The following PRKN variants were observed in gnomAD, a reference collection of about 807,000 sequenced individuals.
The protein encoded by PRKN is parkin RBR E3 ubiquitin protein ligase, also known as E3 ubiquitin-protein ligase parkin.
Under a neutral mutation model 59.5 loss-of-function variants are expected in PRKN, and 56 were observed. The observed-to-expected ratio is 0.94, with a 90% CI of 0.76 to 1.18. The LOEUF (loss-of-function observed/expected upper bound fraction) is 1.18, where lower values mean the gene tolerates loss of function less well. Ranked by LOEUF, PRKN falls within the 50% of genes most tolerant of loss-of-function variation. The pLI is 0.00. For missense variants in PRKN, 657 were observed against 596.4 expected (o/e 1.10, Z -1.06); for synonymous variants, 250 against 222.1 (o/e 1.13, Z -1.12).
rs1009988643 is a variant in PRKN, at chr6:162,453,663, G to T, written c.8-10190C>A. Among the ~76,000 whole-genome samples, 10 of 152,150 alleles carry T rather than the reference G, an allele frequency of 6.6e-5. 1 individual carries two copies. The highest frequency in any genetic ancestry group is 2.4e-4 in the African/African-American group (10 of 41,434). On this transcript the variant is annotated intron_variant, in intron 1 of 11. Transcript: ENST00000366898. Reference sequence around the variant, plus strand: ...CACACCTGTAATCCCAGAAGTTTGGGAGGCTGAAGTGGGCAGATCACCTGA... The same window carrying T: ...CACACCTGTAATCCCAGAAGTTTGGTAGGCTGAAGTGGGCAGATCACCTGA...
At chr6:162,318,098 T>C (rs1416542127) in intron 2 of PRKN, among the ~76,000 whole-genome samples, 1 of 152,012 alleles carries the variant, frequency 6.6e-6, no homozygotes, top group Non-Finnish European at 1.5e-5. Flanking sequence ...CAGGCCCTGG[T>C]AACTGCTATT....
At chr6:162,673,027 T>G (rs190458456) in intron 1 of PRKN, among the ~76,000 whole-genome samples, 1 of 152,226 alleles carries the variant, frequency 6.6e-6, no homozygotes, top group Non-Finnish European at 1.5e-5. Flanking sequence ...ACAAGTTTAA[T>G]AGCCAAGAGC....
chr6:162,382,118 G>A (rs1786523657), intron 2 of PRKN, among the ~76,000 whole-genome samples: 1 of 152,030 alleles, frequency 6.6e-6, no homozygotes, highest in South Asian at 2.1e-4. Context: ...CCTATAATCG[G>A]TAGTATTCTC....
chr6:162,625,714 A>G (rs562644897), intron 1 of PRKN, among the ~76,000 whole-genome samples: 32 of 151,396 alleles, frequency 2.1e-4, no homozygotes, highest in Middle Eastern at 6.8e-3. Context: ...GTGTGTGTGT[A>G]TATATATATA....
chr6:161,757,833 A>ATCTCTC (rs748787015), intron 7 of PRKN, among the ~76,000 whole-genome samples: 814 of 37,616 alleles, frequency 0.022, 33 homozygotes, highest in African/African-American at 0.064. Flanking sequence ...GCAAAACTCC[A>ATCTCTC]TCTCTCTCTC....
chr6:162,201,101 C>T (rs1293352938), intron 4 of PRKN, 30 bp downstream of exon 4: 1 of 1,612,736 alleles, frequency 6.2e-7, no homozygotes, highest in East Asian at 2.2e-5. Context: ...ATTTTCCTGG[C>T]AGTCTCATGC....
intron 2 of PRKN, among the ~76,000 whole-genome samples, chr6:162,302,119 A>C (rs914637526): frequency 1.3e-5 from 2 of 152,106 alleles, no homozygotes; most frequent in Non-Finnish European, 2.9e-5. Flanking sequence ...TCTTACTGAT[A>C]ACTCTGTTCA....
chr6:162,170,305 G>T (rs763870094), intron 4 of PRKN, among the ~76,000 whole-genome samples: 1 of 152,156 alleles, frequency 6.6e-6, no homozygotes, highest in Non-Finnish European at 1.5e-5. Context: ...GTACAAATGG[G>T]ATTGCTCCGG....
At chr6:162,601,147 A>T (rs907277079) in intron 1 of PRKN, among the ~76,000 whole-genome samples, 5 of 152,086 alleles carry the variant, frequency 3.3e-5, no homozygotes, top group Non-Finnish European at 5.9e-5. Flanking sequence ...AAGGGCACAC[A>T]TGTCAAGAGG....
At chr6:162,726,149 A>C (rs969787917) in intron 1 of PRKN, among the ~76,000 whole-genome samples, 1 of 152,242 alleles carries the variant, frequency 6.6e-6, no homozygotes, top group Admixed American at 6.5e-5. Context: ...GTCATAACTT[A>C]TAACTGAGTA....
rs183270918 is a variant in PRKN at position 161,762,639 on chromosome 6, C to T, written c.871+23133G>A. On this transcript the variant is annotated intron_variant, in intron 7 of 11. Transcript: ENST00000366898. ...ATATAAATTTAGATTTAAATAACTACAAAAACCGGTGGCCACATGTGAAGT... is the reference window on the plus strand; with the variant it reads ...ATATAAATTTAGATTTAAATAACTATAAAAACCGGTGGCCACATGTGAAGT... 2.8e-3 allele frequency among the ~76,000 whole-genome samples: 421 copies of T among 152,200 alleles called. 2 individuals carry two copies. The highest frequency in any genetic ancestry group is 9.7e-3 in the African/African-American group (404 of 41,532).
intron 7 of PRKN, among the ~76,000 whole-genome samples, chr6:161,628,084 A>G (rs1783158412): frequency 1.3e-5 from 2 of 152,318 alleles, no homozygotes; most frequent in South Asian, 2.1e-4. Context: ...GGAAGTATAC[A>G]ATACTTCTAA....
intron 2 of PRKN, among the ~76,000 whole-genome samples, chr6:162,378,815 G>A (rs749823983): frequency 6.6e-6 from 1 of 152,140 alleles, no homozygotes; most frequent in Admixed American, 6.6e-5. Context: ...GCCTCTAATG[G>A]GGCATTTGGG....
intron 1 of PRKN, among the ~76,000 whole-genome samples, chr6:162,714,355 G>A (rs532519104): frequency 6.6e-6 from 1 of 152,304 alleles, no homozygotes; most frequent in Non-Finnish European, 1.5e-5. Context: ...CAGGGGCTGA[G>A]GAGATGCAGG....
chr6:162,243,014 A>T (rs1365614641), intron 3 of PRKN, among the ~76,000 whole-genome samples: 1 of 151,594 alleles, frequency 6.6e-6, no homozygotes, highest in Non-Finnish European at 1.5e-5. Flanking sequence ...TTCCTTAAAA[A>T]AAAAAAAACA....
In PRKN at chr6:162,534,264, C is replaced by A. The variant is rs530117537; in HGVS notation, c.8-90791G>T. Among the ~76,000 whole-genome samples the A allele has an allele frequency of 2.6e-3, 403 of 152,250 alleles. 1 individual carries two copies. The highest frequency in any genetic ancestry group is 4.2e-3 in the Non-Finnish European group (288 of 68,018). On this transcript the variant is annotated intron_variant, in intron 1 of 11. Transcript: ENST00000366898. Reference sequence around the variant, plus strand: ...CTCCAGTTGAACCGGGGTAGGCGTACTCTCTAAGCTACTTCATGTCTCTCC... The same window carrying A: ...CTCCAGTTGAACCGGGGTAGGCGTAATCTCTAAGCTACTTCATGTCTCTCC...
At chr6:162,238,258 G>A (rs996332228) in intron 3 of PRKN, among the ~76,000 whole-genome samples, 4 of 152,160 alleles carry the variant, frequency 2.6e-5, no homozygotes, top group Admixed American at 2.6e-4. Context: ...GTTGCCTGCA[G>A]TATTCAGTAC....
In PRKN at chr6:161,395,339, A is replaced by C. The variant is rs960129080; in HGVS notation, c.1084-8462T>G. Among the ~76,000 whole-genome samples the C allele has an allele frequency of 1.3e-5, 2 of 152,150 alleles. No homozygotes were observed. The highest frequency in any genetic ancestry group is 2.9e-5 in the Non-Finnish European group (2 of 68,036). On this transcript the variant is annotated intron_variant, in intron 9 of 11. Transcript: ENST00000366898. The surrounding 1 kb of genome is among the most constrained non-coding windows in gnomAD (Gnocchi z 5.0). ...TTCCTGAACAGCCACACAATATTCC[A>C]GTGGATAGATGTGCCTTCGTTCATT...
chr6:162,262,799 A>G (rs74658185), intron 2 of PRKN, 34 bp from the exon 3 acceptor site: 1 of 1,599,894 alleles, frequency 6.3e-7, no homozygotes. Context: ...AAAAAAAAAA[A>G]AAAAGGAAAT....
Sources: gnomAD v4.1 joint callset for allele counts (sites outside exome capture counted in the v4.1 genomes callset) on GRCh38, gnomAD v4.1.1 for gene constraint, Gnocchi (gnomAD v3.1) non-coding constraint, MANE v1.5 for transcripts, NCBI Gene and HGNC (gene_info 2026-07-23, HGNC 2026-07-21) for gene names.